RBFOX1: variants seen among roughly 807,000 people sequenced by gnomAD.
RBFOX1 encodes the protein RNA binding fox-1 homolog 1, also known as RNA binding protein fox-1 homolog 1.
In RBFOX1, 8 loss-of-function variants were observed where a neutral mutation model predicts 57.7. That is an observed-to-expected ratio of 0.14 (90% CI 0.08 to 0.25). The LOEUF is 0.25. RBFOX1 is among the 10% of genes least tolerant of loss of function. RBFOX1 has a pLI of 1.00. For missense variants in RBFOX1, 611 were observed against 548.5 expected (o/e 1.11, Z -1.14); for synonymous variants, 326 against 222.4 (o/e 1.47, Z -4.15).
chr16:6,843,262 A>G (rs2093586425), intron 3 of RBFOX1, among the ~76,000 whole-genome samples: 1 of 152,124 alleles, frequency 6.6e-6, no homozygotes, highest in African/African-American at 2.4e-5. Context: ...GGACAGCAGT[A>G]TCAAGTTAGC....
intron 3 of RBFOX1, among the ~76,000 whole-genome samples, chr16:6,858,753 C>T (rs1439247133): frequency 1.3e-5 from 2 of 152,158 alleles, no homozygotes; most frequent in African/African-American, 4.8e-5. Flanking sequence ...ACCAAAAACA[C>T]ATCTTTATTC....
At chr16:7,628,901 C>G (rs1008315793) in intron 10 of RBFOX1, among the ~76,000 whole-genome samples, 2 of 152,186 alleles carry the variant, frequency 1.3e-5, no homozygotes, top group African/African-American at 4.8e-5. Flanking sequence ...GCATGAGCCA[C>G]TACACCTGGC....
chr16:6,297,128 C>A (rs527289675), intron 1 of RBFOX1, among the ~76,000 whole-genome samples: 2 of 152,122 alleles, frequency 1.3e-5, no homozygotes, highest in African/African-American at 2.4e-5. Flanking sequence ...GCGGTGAGGA[C>A]CACCAGAAGT....
intron 2 of RBFOX1, among the ~76,000 whole-genome samples, chr16:6,571,866 ATTTCT>A (rs1244515724): frequency 1.3e-5 from 2 of 152,130 alleles, no homozygotes; most frequent in Non-Finnish European, 2.9e-5. Context: ...TGAGGATGAT[ATTTCT>A]TTTCTTAGTT....
chr16:6,231,860 T>C (rs1281599494), intron 1 of RBFOX1, among the ~76,000 whole-genome samples: 1 of 132,032 alleles, frequency 7.6e-6, no homozygotes, highest in Non-Finnish European at 1.6e-5. Flanking sequence ...TTTGTCCTGG[T>C]ATTTTAAAAA....
chr16:6,261,861 A>G (rs1007546717), intron 1 of RBFOX1, among the ~76,000 whole-genome samples: 9 of 151,598 alleles, frequency 5.9e-5, no homozygotes, highest in Non-Finnish European at 1.3e-4. Flanking sequence ...AAACAAAACA[A>G]AAACAAAAAC....
At chr16:6,005,253 C>T (rs975124732) in intron 4 of RBFOX1, among the ~76,000 whole-genome samples, 4 of 152,186 alleles carry the variant, frequency 2.6e-5, no homozygotes, top group Admixed American at 6.5e-5. Flanking sequence ...TTTTCTAATA[C>T]AATAGCCATT....
intron 3 of RBFOX1, among the ~76,000 whole-genome samples, chr16:5,803,759 C>A (rs11642829): frequency 0.47 from 70,959 of 151,938 alleles, 16,584 homozygotes; most frequent in South Asian, 0.56. Context: ...TTCTTGATCC[C>A]CTTTCTATTA....
intron 2 of RBFOX1, among the ~76,000 whole-genome samples, chr16:6,409,686 A>T (rs1266267731): frequency 6.6e-6 from 1 of 152,138 alleles, no homozygotes; most frequent in Non-Finnish European, 1.5e-5. Context: ...AGTGGAGGGG[A>T]AAAAGGTTTC....
intron 4 of RBFOX1, among the ~76,000 whole-genome samples, chr16:5,914,473 A>T (rs1462219687): frequency 6.6e-6 from 1 of 152,070 alleles, no homozygotes; most frequent in African/African-American, 2.4e-5. Context: ...CAGATCCTGG[A>T]TCTGCTTGTA....
intron 4 of RBFOX1, among the ~76,000 whole-genome samples, chr16:7,272,876 C>G (rs1381198168): frequency 1.4e-5 from 2 of 143,850 alleles, no homozygotes; most frequent in African/African-American, 2.6e-5. Context: ...TCTTCCCTTC[C>G]TTCCCTCCTT....
intron 4 of RBFOX1, among the ~76,000 whole-genome samples, chr16:7,203,532 A>C (rs2089197092): frequency 6.6e-6 from 1 of 152,236 alleles, no homozygotes; most frequent in Non-Finnish European, 1.5e-5. Context: ...TTAAGATAGT[A>C]ACTTTTATGT....
Position 7,196,133 on chromosome 16 carries a change from C to A in RBFOX1, c.27+144035C>A, listed in dbSNP as rs151183895. 3.3e-5 allele frequency among the ~76,000 whole-genome samples: 5 copies of A among 151,990 alleles called. No homozygotes were observed. In the East Asian group the frequency reaches 9.7e-4, roughly 29 times the overall value. On this transcript the variant is annotated intron_variant, in intron 4 of 15. Coordinates refer to ENST00000550418, the MANE Select transcript of RBFOX1 (RefSeq NM_018723.4). ...CATCATCCTACTCCTCCTCATTTTTCTAAAGGAAGTAAAGGAACAGGCTTG... is the reference window on the plus strand; with the variant it reads ...CATCATCCTACTCCTCCTCATTTTTATAAAGGAAGTAAAGGAACAGGCTTG...
chr16:6,153,627 C>G (rs2096816980), intron 1 of RBFOX1, among the ~76,000 whole-genome samples: 1 of 152,122 alleles, frequency 6.6e-6, no homozygotes, highest in African/African-American at 2.4e-5. Flanking sequence ...CCTCTGCCTC[C>G]CGGGTTCAAG....
intron 4 of RBFOX1, among the ~76,000 whole-genome samples, chr16:7,155,876 T>A (rs917875518): frequency 6.6e-6 from 1 of 151,560 alleles, no homozygotes; most frequent in Admixed American, 6.6e-5. Flanking sequence ...GGTCATAAAA[T>A]TGGATATAAA....
At chr16:6,331,208 C>G (rs887459797) in intron 2 of RBFOX1, among the ~76,000 whole-genome samples, 1 of 152,014 alleles carries the variant, frequency 6.6e-6, no homozygotes, top group African/African-American at 2.4e-5. Context: ...CCCAGCACTT[C>G]GGGAGGCCAA....
intron 4 of RBFOX1, among the ~76,000 whole-genome samples, chr16:7,339,296 T>A (rs148063436): frequency 5.1e-4 from 78 of 152,308 alleles, no homozygotes; most frequent in African/African-American, 1.8e-3. Flanking sequence ...GGCTGTGAAC[T>A]AGGACTAGGT....
At chr16:7,347,968 T>A (rs538445035) in intron 4 of RBFOX1, among the ~76,000 whole-genome samples, 320 of 152,322 alleles carry the variant, frequency 2.1e-3, no homozygotes, top group Admixed American at 3.2e-3. Context: ...GCTGTCTGTT[T>A]GTAGAAAGCA....
chr16:6,867,699 T>A (rs2060181486), intron 3 of RBFOX1, among the ~76,000 whole-genome samples: 1 of 152,092 alleles, frequency 6.6e-6, no homozygotes, highest in Non-Finnish European at 1.5e-5. Context: ...AGCACAAGAC[T>A]CTGTCTCAGA....
Sources: allele counts gnomAD v4.1 joint callset (sites outside exome capture counted in the v4.1 genomes callset), GRCh38; gene constraint gnomAD v4.1.1; transcripts MANE v1.5; gene names NCBI Gene and HGNC (gene_info 2026-07-23, HGNC 2026-07-21).